Variants in AARSD1 observed in about 807,000 individuals in gnomAD.
AARSD1 encodes the protein alanyl-tRNA editing protein Aarsd1.
In AARSD1, 44 loss-of-function variants were observed where a neutral mutation model predicts 48.7. The ratio of observed to expected loss-of-function variants is 0.90; its 90% CI spans 0.71 to 1.16. AARSD1 has a LOEUF of 1.16. Ranked by LOEUF, AARSD1 falls within the 50% of genes most tolerant of loss-of-function variation. AARSD1 has a pLI of 0.00. For missense variants in AARSD1, 511 were observed against 523.1 expected, an observed-to-expected ratio of 0.98 and a Z score of 0.23; for synonymous variants, 189 against 194.9, an observed-to-expected ratio of 0.97 and a Z score of 0.25.
At chr17:42,951,146 G>A (rs2049474033) in intron 11 of AARSD1, among the ~76,000 whole-genome samples, 1 of 152,030 alleles carries the variant, frequency 6.6e-6, no homozygotes, top group Non-Finnish European at 1.5e-5. Flanking sequence ...CAACAAGAGT[G>A]AAACTTTGTC....
At chr17:42,961,161 C>T in intron 3 of AARSD1, 31 bp downstream of exon 3, 2 of 1,590,584 alleles carry the variant, frequency 1.3e-6, no homozygotes, top group Non-Finnish European at 8.6e-7. Flanking sequence ...GGCAACTGCT[C>T]CGGTGTTATG....
intron 5 of AARSD1, 35 bp from the exon 6 acceptor site, chr17:42,956,355 C>T (rs202044806): frequency 2.3e-5 from 37 of 1,614,152 alleles, no homozygotes; most frequent in Non-Finnish European, 3.1e-5. Context: ...CTGTCTGAAT[C>T]TGATGAGGAA....
intron 2 of AARSD1, among the ~76,000 whole-genome samples, chr17:42,963,514 C>T (rs1325490506): frequency 6.6e-6 from 1 of 152,086 alleles, no homozygotes; most frequent in Admixed American, 6.6e-5. Flanking sequence ...ACCTCACTTG[C>T]GCTCATGTTG....
chr17:42,955,362 A>G (rs1320142995), intron 7 of AARSD1, 138 bp from the exon 8 acceptor site: 4 of 997,950 alleles, frequency 4.0e-6, no homozygotes, highest in Middle Eastern at 2.8e-4. Flanking sequence ...GAGGTCTCTT[A>G]GGCAACTGGG....
intron 2 of AARSD1, 61 bp from the exon 3 acceptor site, chr17:42,961,412 C>T (rs576920281): frequency 3.5e-5 from 57 of 1,609,000 alleles, no homozygotes; most frequent in Non-Finnish European, 4.7e-5. Context: ...CTTCTAGGTA[C>T]AAAGACCCTC....
intron 3 of AARSD1, among the ~76,000 whole-genome samples, chr17:42,959,258 G>A (rs1020440485): frequency 2.7e-5 from 4 of 149,024 alleles, no homozygotes; most frequent in African/African-American, 9.9e-5. Context: ...TTGCTCTGTT[G>A]CCCAGGCTGG....
chr17:42,964,009 T>C, intron 2 of AARSD1, 97 bp downstream of exon 2: 2 of 1,559,122 alleles, frequency 1.3e-6, no homozygotes, highest in South Asian at 2.4e-5. Context: ...CTAAAGCTCA[T>C]CTGAATTCAT....
chr17:42,951,404 T>C (rs1287072866), intron 11 of AARSD1, among the ~76,000 whole-genome samples: 1 of 151,828 alleles, frequency 6.6e-6, no homozygotes, highest in Non-Finnish European at 1.5e-5. Context: ...ATACAAAAAA[T>C]TGGACGGGTA....
intron 2 of AARSD1, chr17:42,962,052 A>C (rs370377919): frequency 1.9e-5 from 3 of 160,880 alleles, no homozygotes; most frequent in Non-Finnish European, 4.1e-5. Flanking sequence ...CTGTAATCCC[A>C]GTACTTTGGA....
chr17:42,954,801 T>C (rs979629439), intron 9 of AARSD1, 75 bp downstream of exon 9: 7 of 1,492,284 alleles, frequency 4.7e-6, no homozygotes, highest in East Asian at 2.3e-5. Flanking sequence ...CCACTGTACA[T>C]TGCATATAGA....
intron 3 of AARSD1, chr17:42,957,430 G>A (rs1339177186): frequency 3.1e-6 from 1 of 324,848 alleles, no homozygotes; most frequent in African/African-American, 2.2e-5. Flanking sequence ...CAAATAACTT[G>A]CCATGGCAAT....
At chr17:42,951,409 C>T (rs748211334) in intron 11 of AARSD1, among the ~76,000 whole-genome samples, 5 of 151,956 alleles carry the variant, frequency 3.3e-5, no homozygotes, top group Admixed American at 6.6e-5. Context: ...AAAAATTGGA[C>T]GGGTATGGTT....
chr17:42,958,622 G>A lies in AARSD1; in HGVS notation c.332-1427C>T, dbSNP rs139692240. On this transcript the variant is annotated intron_variant, in intron 3 of 11. Coordinates refer to ENST00000427569, the MANE Select transcript of AARSD1 (RefSeq NM_001261434.2). Reference sequence around the variant, plus strand: ...GTATCGCTCTGTCACCCAGGCTGGAGTGCAGTGGTGCAATCTCAGCTCACT... The same window carrying A: ...GTATCGCTCTGTCACCCAGGCTGGAATGCAGTGGTGCAATCTCAGCTCACT... Among the ~76,000 whole-genome samples, 708 of 150,638 alleles carry A rather than the reference G, an allele frequency of 4.7e-3. 1 individual carries two copies. The highest frequency in any genetic ancestry group is 0.016 in the African/African-American group (662 of 41,154).
At chr17:42,960,331 T>C (rs1228428158) in intron 3 of AARSD1, among the ~76,000 whole-genome samples, 1 of 150,862 alleles carries the variant, frequency 6.6e-6, no homozygotes, top group African/African-American at 2.4e-5. Flanking sequence ...AGACTGAATG[T>C]GGGGCAATCA....
At chr17:42,964,286 TAGC>T (rs2151944375) in intron 1 of AARSD1, 49 bp from the exon 2 acceptor site, 1 of 1,611,732 alleles carries the variant, frequency 6.2e-7, no homozygotes, top group Admixed American at 1.7e-5. Flanking sequence ...GCCCTAGCCC[TAGC>T]CCTCTCCACA....
intron 11 of AARSD1, 27 bp downstream of exon 11, chr17:42,951,773 T>C (rs1242827953): frequency 1.2e-6 from 2 of 1,610,508 alleles, no homozygotes; most frequent in Admixed American, 1.7e-5. Context: ...CTCTACTACA[T>C]GTGCAAGAGA....
At chr17:42,955,333 G>A (rs770640757) in intron 7 of AARSD1, 109 bp from the exon 8 acceptor site, 630 of 1,370,390 alleles carry the variant, frequency 4.6e-4, no homozygotes, top group Non-Finnish European at 5.8e-4. Context: ...TGCAGTCAGG[G>A]ACCAGGAGAT....
At chr17:42,955,316 G>C (rs1233197842) in intron 7 of AARSD1, 92 bp from the exon 8 acceptor site, 2 of 1,498,038 alleles carry the variant, frequency 1.3e-6, no homozygotes, top group Non-Finnish European at 1.8e-6. Flanking sequence ...TTGCTATGGT[G>C]CCTCCCTGCA....
Position 42,950,599 on chromosome 17 carries a change from C to CT in AARSD1, c.1232dup (p.Glu412GlyfsTer5). 1 of 1,613,644 alleles carries CT rather than the reference C, an allele frequency of 6.2e-7. No homozygotes were observed. The highest frequency in any genetic ancestry group is 1.1e-5 in the South Asian group (1 of 90,978). On this transcript the variant is annotated frameshift_variant, in exon 12 of 12. Coordinates refer to ENST00000427569, the MANE Select transcript of AARSD1 (RefSeq NM_001261434.2). LOFTEE classifies it high-confidence loss of function. Reference sequence around the variant, plus strand: ...AGGTGAGTGCCCTAAGCCCTCACTCCTTAGCACTCTGCGTGCTGATGTAGT... The same window carrying CT: ...AGGTGAGTGCCCTAAGCCCTCACTCCTTTAGCACTCTGCGTGCTGATGTAGT...
Sources: allele counts gnomAD v4.1 joint callset (sites outside exome capture counted in the v4.1 genomes callset), GRCh38; gene constraint gnomAD v4.1.1; transcripts MANE v1.5; gene names NCBI Gene and HGNC (gene_info 2026-07-23, HGNC 2026-07-21).